Variants in KCNH7 observed in about 807,000 individuals in gnomAD.
The protein encoded by KCNH7 is potassium voltage-gated channel subfamily H member 7, also known as voltage-gated inwardly rectifying potassium channel KCNH7.
Under a neutral mutation model 120.8 loss-of-function variants are expected in KCNH7, and 49 were observed. That is an observed-to-expected ratio of 0.41 (90% CI 0.32 to 0.51). The LOEUF (loss-of-function observed/expected upper bound fraction) is 0.51, where lower values mean the gene tolerates loss of function less well. Ranked by LOEUF, KCNH7 falls within the 20% of genes least tolerant of loss-of-function variation. The pLI is 0.38. For synonymous variants in KCNH7, 547 were observed against 516.1 expected (o/e 1.06, Z -0.81); for missense variants, 1,097 against 1,446.6 (o/e 0.76, Z 3.92).
intron 2 of KCNH7, among the ~76,000 whole-genome samples, chr2:162,601,155 G>A (rs1694537888): frequency 6.6e-6 from 1 of 151,970 alleles, no homozygotes; most frequent in African/African-American, 2.4e-5. Flanking sequence ...AGAAGAATGT[G>A]ATTGGTTAAT....
intron 2 of KCNH7, among the ~76,000 whole-genome samples, chr2:162,697,764 A>T (rs984080728): frequency 1.3e-5 from 2 of 152,238 alleles, no homozygotes; most frequent in Admixed American, 6.6e-5. Flanking sequence ...AATAATAATA[A>T]CAATCAGATT....
At chr2:162,459,853 T>C (rs910621049) in intron 6 of KCNH7, among the ~76,000 whole-genome samples, 3 of 151,942 alleles carry the variant, frequency 2.0e-5, no homozygotes, top group African/African-American at 7.3e-5. Context: ...CCTACCACTT[T>C]GGGAGGCTGA....
chr2:162,669,303 G>A (rs902013352), intron 2 of KCNH7, among the ~76,000 whole-genome samples: 2 of 152,114 alleles, frequency 1.3e-5, no homozygotes, highest in Non-Finnish European at 2.9e-5. Flanking sequence ...ATAAAATGAT[G>A]TAACTTAGAT....
chr2:162,546,009 C>T (rs1326610084), intron 2 of KCNH7, among the ~76,000 whole-genome samples: 1 of 152,140 alleles, frequency 6.6e-6, no homozygotes, highest in Non-Finnish European at 1.5e-5. Context: ...TAAAGTTCAG[C>T]TCTGTTTTAT....
chr2:162,609,645 C>T (rs1395152197), intron 2 of KCNH7, among the ~76,000 whole-genome samples: 1 of 152,084 alleles, frequency 6.6e-6, no homozygotes, highest in Non-Finnish European at 1.5e-5. Context: ...GCTAAGAGAG[C>T]ATAAATGAAG....
At chr2:162,647,496 C>T (rs546116341) in intron 2 of KCNH7, among the ~76,000 whole-genome samples, 43 of 152,134 alleles carry the variant, frequency 2.8e-4, no homozygotes, top group Non-Finnish European at 4.4e-4. Context: ...CCAAATATCA[C>T]CTTGAATTGT....
chr2:162,633,142 G>C (rs1202490335), intron 2 of KCNH7, among the ~76,000 whole-genome samples: 1 of 151,686 alleles, frequency 6.6e-6, no homozygotes, highest in Non-Finnish European at 1.5e-5. Flanking sequence ...TTTGTTTTTA[G>C]CCTATCGTAT....
At chr2:162,634,138 T>G (rs1683861332) in intron 2 of KCNH7, among the ~76,000 whole-genome samples, 1 of 152,094 alleles carries the variant, frequency 6.6e-6, no homozygotes. Flanking sequence ...CTCATCGCTG[T>G]GTACTATAAG....
chr2:162,616,545 T>G (rs371396596), intron 2 of KCNH7, among the ~76,000 whole-genome samples: 31 of 152,308 alleles, frequency 2.0e-4, no homozygotes, highest in African/African-American at 7.2e-4. Context: ...GGTCAGATTG[T>G]ATGGTGTTTA....
At chr2:162,610,454 T>A (rs1460154683) in intron 2 of KCNH7, among the ~76,000 whole-genome samples, 4 of 152,240 alleles carry the variant, frequency 2.6e-5, no homozygotes, top group Non-Finnish European at 5.9e-5. Flanking sequence ...CTAGGGCTAT[T>A]CTGCCATTGA....
chr2:162,574,674 G>A (rs1229092359), intron 2 of KCNH7, among the ~76,000 whole-genome samples: 1 of 152,006 alleles, frequency 6.6e-6, no homozygotes, highest in African/African-American at 2.4e-5. Context: ...TTGGAGTTTG[G>A]AATAAAAATT....
intron 2 of KCNH7, among the ~76,000 whole-genome samples, chr2:162,788,954 A>C (rs1683815110): frequency 6.8e-6 from 1 of 147,326 alleles, no homozygotes; most frequent in Non-Finnish European, 1.5e-5. Context: ...CCTTGATGCC[A>C]GAAGATGATG....
rs139174513 is a variant in KCNH7, at chr2:162,418,997, G to A, written c.2154+4339C>T. Among the ~76,000 whole-genome samples the A allele has an allele frequency of 1.8e-3, 273 of 151,778 alleles. 1 individual carries two copies. Among genetic ancestry groups the A allele is most frequent in the African/African-American group, 6.0e-3 (247 of 41,402 alleles). ...AAGCTCCAAAAGCTCTCCCTGTCTTGAGCTACACTTCTATCTTGCACTTCC... is the reference window on the plus strand; with the variant it reads ...AAGCTCCAAAAGCTCTCCCTGTCTTAAGCTACACTTCTATCTTGCACTTCC... On this transcript the variant is annotated intron_variant, in intron 9 of 15. Coordinates refer to ENST00000332142, the MANE Select transcript of KCNH7 (RefSeq NM_033272.4).
intron 2 of KCNH7, among the ~76,000 whole-genome samples, chr2:162,670,409 G>A (rs34974959): frequency 0.023 from 3,203 of 138,394 alleles, 63 homozygotes; most frequent in East Asian, 0.13. Context: ...GGGAGGTGGA[G>A]TTGCAGTGGG....
intron 2 of KCNH7, among the ~76,000 whole-genome samples, chr2:162,552,660 G>T (rs1275056929): frequency 6.6e-6 from 1 of 152,198 alleles, no homozygotes; most frequent in East Asian, 1.9e-4. Flanking sequence ...TAAAAGCAGA[G>T]ATTTTTCTCT....
At chr2:162,770,449 A>G (rs1683002287) in intron 2 of KCNH7, among the ~76,000 whole-genome samples, 1 of 151,930 alleles carries the variant, frequency 6.6e-6, no homozygotes, top group Non-Finnish European at 1.5e-5. Flanking sequence ...GTCTAAAGCC[A>G]AGCACAAGTG....
chr2:162,703,886 G>A (rs1686602697), intron 2 of KCNH7, among the ~76,000 whole-genome samples: 1 of 152,088 alleles, frequency 6.6e-6, no homozygotes, highest in African/African-American at 2.4e-5. Context: ...GGCAGAAACA[G>A]AAGATGCTTT....
chr2:162,610,920 T>C (rs1344444904), intron 2 of KCNH7, among the ~76,000 whole-genome samples: 1 of 152,140 alleles, frequency 6.6e-6, no homozygotes, highest in African/African-American at 2.4e-5. Flanking sequence ...ACACAACTGT[T>C]GGACAAAATG....
At chr2:162,810,387 G>A (rs1684696925) in intron 2 of KCNH7, among the ~76,000 whole-genome samples, 1 of 152,184 alleles carries the variant, frequency 6.6e-6, no homozygotes, top group African/African-American at 2.4e-5. Flanking sequence ...ACAAGTGAAT[G>A]AAGATAAGGA....
Sources: allele counts gnomAD v4.1 joint callset (sites outside exome capture counted in the v4.1 genomes callset), GRCh38; gene constraint gnomAD v4.1.1; transcripts MANE v1.5; gene names NCBI Gene and HGNC (gene_info 2026-07-23, HGNC 2026-07-21).